BTBD16: variants seen among roughly 807,000 people sequenced by gnomAD.
BTBD16 encodes BTB domain containing 16.
Under a neutral mutation model 67.4 loss-of-function variants are expected in BTBD16, and 66 were observed. That is an observed-to-expected ratio of 0.98 (90% CI 0.80 to 1.20). BTBD16 has a LOEUF of 1.20. BTBD16 is among the 50% of genes most tolerant of loss of function. The pLI, the probability that BTBD16 is intolerant of heterozygous loss-of-function variation, is 0.00. For missense variants in BTBD16, 634 were observed against 616.0 expected (o/e 1.03, Z -0.31); for synonymous variants, 242 against 236.4 (o/e 1.02, Z -0.22).
intron 10 of BTBD16, among the ~76,000 whole-genome samples, chr10:122,326,302 T>C (rs2096444607): frequency 1.3e-5 from 2 of 152,182 alleles, no homozygotes; most frequent in African/African-American, 2.4e-5. Flanking sequence ...AACTTTTCCA[T>C]CTTCCCAAAC....
intron 4 of BTBD16, among the ~76,000 whole-genome samples, chr10:122,284,887 G>A (rs955606602): frequency 6.6e-6 from 1 of 152,060 alleles, no homozygotes; most frequent in East Asian, 1.9e-4. Flanking sequence ...TCCTGAAAGT[G>A]GAAATTGACA....
chr10:122,313,585 T>C (rs2096418265), intron 10 of BTBD16, among the ~76,000 whole-genome samples: 1 of 152,218 alleles, frequency 6.6e-6, no homozygotes, highest in Non-Finnish European at 1.5e-5. Context: ...TATTTAAGAA[T>C]CTTTGCCTAT....
At chr10:122,316,493 C>G (rs1200142645) in intron 10 of BTBD16, among the ~76,000 whole-genome samples, 2 of 152,132 alleles carry the variant, frequency 1.3e-5, no homozygotes, top group African/African-American at 4.8e-5. Flanking sequence ...GGGGTGCTTA[C>G]ACAAACCTAG....
At chr10:122,322,458 C>T (rs1038027503) in intron 10 of BTBD16, among the ~76,000 whole-genome samples, 3 of 152,114 alleles carry the variant, frequency 2.0e-5, no homozygotes, top group Non-Finnish European at 4.4e-5. Flanking sequence ...GAACAGTTGC[C>T]ACTCTCTCCA....
chr10:122,332,710 G>A, intron 13 of BTBD16, 197 bp downstream of exon 13: 1 of 720,920 alleles, frequency 1.4e-6, no homozygotes, highest in Non-Finnish European at 1.7e-6. Context: ...CCTGGGGCGG[G>A]CCATTTAATA....
intron 10 of BTBD16, chr10:122,328,715 A>G: frequency 1.0e-6 from 1 of 976,790 alleles, no homozygotes. Flanking sequence ...ATTGTTCCCC[A>G]TTGTCCCCAT....
At chr10:122,297,872 G>A in intron 8 of BTBD16, 35 bp downstream of exon 8, 1 of 1,601,134 alleles carries the variant, frequency 6.2e-7, no homozygotes, top group Non-Finnish European at 8.6e-7. Flanking sequence ...ATCGCCCCTT[G>A]GGGGGGCCTT....
intron 9 of BTBD16, among the ~76,000 whole-genome samples, chr10:122,302,938 G>A (rs11200542): frequency 0.25 from 38,259 of 152,002 alleles, 5,491 homozygotes; most frequent in East Asian, 0.43. Context: ...AAAGCCTGTG[G>A]TCATTACCAG....
rs1487828655 is a variant in BTBD16 at position 122,332,975 on chromosome 10, G to A, written c.1164+462G>A. The A allele has an allele frequency of 5.1e-6, 5 of 985,160 alleles. No homozygotes were observed. The African/African-American group carries it at 5.2e-5, about 10-fold the overall frequency. 61.0% of individuals were successfully genotyped at this position (985,160 alleles called of 1,614,324 possible). A position where few individuals can be genotyped will look rare whatever the true frequency, so the allele number is the denominator to read the frequency against. On this transcript the variant is annotated intron_variant, in intron 13 of 15. Coordinates refer to ENST00000260723, the MANE Select transcript of BTBD16 (RefSeq NM_144587.5). ...GGATTTCAGAATAAAACTGCAGTGG[G>A]TCAAGGAGCTTGATTGCAAGGCATC...
chr10:122,314,772 C>T (rs1355882774), intron 10 of BTBD16, among the ~76,000 whole-genome samples: 1 of 152,080 alleles, frequency 6.6e-6, no homozygotes, highest in African/African-American at 2.4e-5. Context: ...ATGTTTTCTA[C>T]ATATAATTAT....
chr10:122,335,171 A>G (rs2096461613), intron 14 of BTBD16, among the ~76,000 whole-genome samples, 192 bp downstream of exon 14: 1 of 152,254 alleles, frequency 6.6e-6, no homozygotes, highest in Non-Finnish European at 1.5e-5. Context: ...AGGTATTGGT[A>G]GCCCATTTAG....
At chr10:122,333,095 C>T (rs1343996485) in intron 13 of BTBD16, 1 of 371,082 alleles carries the variant, frequency 2.7e-6, no homozygotes, top group African/African-American at 2.2e-5. Context: ...AATCAGTGAT[C>T]TCCTTTGATT....
At chr10:122,301,291 G>A (rs1007564532) in intron 9 of BTBD16, among the ~76,000 whole-genome samples, 1 of 152,168 alleles carries the variant, frequency 6.6e-6, no homozygotes, top group Admixed American at 6.5e-5. Flanking sequence ...ACAACCGGAA[G>A]GTTAGCGGTG....
At chr10:122,328,777 G>A (rs1249457694) in intron 10 of BTBD16, 1 of 985,280 alleles carries the variant, frequency 1.0e-6, no homozygotes, top group Non-Finnish European at 1.2e-6. Flanking sequence ...AGAAGGGCAG[G>A]GAATGCGTGT....
intron 6 of BTBD16, 45 bp from the exon 7 acceptor site, chr10:122,291,035 G>A: frequency 6.3e-7 from 1 of 1,575,408 alleles, no homozygotes; most frequent in African/African-American, 1.4e-5. Flanking sequence ...GGTGTCCTGT[G>A]TGCAGAGCCC....
At chr10:122,302,410 G>A (rs1245886155) in intron 9 of BTBD16, among the ~76,000 whole-genome samples, 1 of 152,098 alleles carries the variant, frequency 6.6e-6, no homozygotes, top group African/African-American at 2.4e-5. Flanking sequence ...AGCTGCTCAT[G>A]GACTTAGGAG....
chr10:122,306,582 G>T (rs2096404086), intron 9 of BTBD16, among the ~76,000 whole-genome samples: 1 of 152,188 alleles, frequency 6.6e-6, no homozygotes, highest in Non-Finnish European at 1.5e-5. Flanking sequence ...GCCCAGAATT[G>T]TGTGACCTTG....
At chr10:122,275,904 C>T (rs2096339581) in intron 2 of BTBD16, among the ~76,000 whole-genome samples, 2 of 152,140 alleles carry the variant, frequency 1.3e-5, no homozygotes, top group East Asian at 3.8e-4. Flanking sequence ...AAAAAACTTG[C>T]CCATGAATAT....
intron 6 of BTBD16, among the ~76,000 whole-genome samples, chr10:122,290,370 C>T (rs942897613): frequency 9.2e-5 from 14 of 152,258 alleles, no homozygotes; most frequent in Non-Finnish European, 1.3e-4. Flanking sequence ...AACACTTTAC[C>T]GGCCTCTTCC....
Sources: allele counts gnomAD v4.1 joint callset (sites outside exome capture counted in the v4.1 genomes callset), GRCh38; gene constraint gnomAD v4.1.1; transcripts MANE v1.5; gene names NCBI Gene and HGNC (gene_info 2026-07-23, HGNC 2026-07-21).